Variants in HMBOX1 observed in about 807,000 individuals in gnomAD.
HMBOX1 encodes the protein homeobox containing 1, also known as homeobox-containing protein 1.
Under a neutral mutation model 54.5 loss-of-function variants are expected in HMBOX1, and 14 were observed. The ratio of observed to expected loss-of-function variants is 0.26; its 90% CI spans 0.17 to 0.40. The LOEUF (loss-of-function observed/expected upper bound fraction) is 0.40. Among genes scored for constraint, HMBOX1 ranks in the 10% least tolerant of loss-of-function variants. The pLI, the probability that HMBOX1 is intolerant of heterozygous loss-of-function variation, is 1.00. For synonymous variants in HMBOX1, 160 were observed against 181.0 expected, an observed-to-expected ratio of 0.88 and a Z score of 0.93; for missense variants, 332 against 514.4, an observed-to-expected ratio of 0.65 and a Z score of 3.43.
At chr8:28,936,815 A>AC (rs1563422994) in intron 1 of HMBOX1, among the ~76,000 whole-genome samples, 2 of 151,058 alleles carry the variant, frequency 1.3e-5, no homozygotes, top group African/African-American at 4.9e-5. Context: ...AAAAAAAAAA[A>AC]CAGCCCCCAA....
chr8:28,963,879 C>G lies in HMBOX1; in HGVS notation c.12C>G (p.Ser4=), dbSNP rs1191365185. 3.7e-6 allele frequency: 6 copies of G among 1,601,918 alleles called. No homozygotes were observed. The highest frequency in any genetic ancestry group is 5.1e-6 in the Non-Finnish European group (6 of 1,172,962). The change falls in exon 2 of 10, where the codon TCC becomes TCG. Residue 4 remains serine (S), a synonymous_variant. Coordinates refer to ENST00000287701, the MANE Select transcript of HMBOX1 (RefSeq NM_001135726.3). ...GCCTCATGTAAAGTATGCTTAGTTC[C>G]TTTCCAGTGGTGTAAGTATCAAGTC... MLS[S]FPVVLLETMS... is the part of the protein sequence containing the mutation.
chr8:28,916,450 T>C (rs1162136961), intron 1 of HMBOX1, among the ~76,000 whole-genome samples: 1 of 152,246 alleles, frequency 6.6e-6, no homozygotes, highest in Non-Finnish European at 1.5e-5. Flanking sequence ...GGGTTTTCCA[T>C]GTAAGTCTGT....
intron 4 of HMBOX1, among the ~76,000 whole-genome samples, chr8:28,994,745 C>T (rs1336856133): frequency 6.6e-6 from 1 of 151,992 alleles, no homozygotes; most frequent in African/African-American, 2.4e-5. Context: ...CAAATGAGCT[C>T]TTACAAGTTA....
At chr8:28,946,002 G>C (rs1822382937) in intron 1 of HMBOX1, among the ~76,000 whole-genome samples, 1 of 149,314 alleles carries the variant, frequency 6.7e-6, no homozygotes, top group Admixed American at 6.7e-5. Flanking sequence ...ACCCAGGCTG[G>C]AGTGCAATGG....
intron 1 of HMBOX1, among the ~76,000 whole-genome samples, chr8:28,894,290 T>G (rs1811624532): frequency 6.6e-6 from 1 of 152,146 alleles, no homozygotes; most frequent in Non-Finnish European, 1.5e-5. Context: ...ATAAAATACT[T>G]TTATGTTTAT....
chr8:28,894,104 T>C (rs1358217289), intron 1 of HMBOX1, among the ~76,000 whole-genome samples: 1 of 152,226 alleles, frequency 6.6e-6, no homozygotes, highest in African/African-American at 2.4e-5. Context: ...TTTAGTTCTT[T>C]GGCTTCTGGA....
At chr8:28,919,474 A>C (rs1429167776) in intron 1 of HMBOX1, among the ~76,000 whole-genome samples, 1 of 152,140 alleles carries the variant, frequency 6.6e-6, no homozygotes, top group African/African-American at 2.4e-5. Context: ...TTCTTTATTG[A>C]ATATTTGGTC....
At chr8:29,047,235 G>T in intron 7 of HMBOX1, 123 bp from the exon 8 acceptor site, 1 of 656,364 alleles carries the variant, frequency 1.5e-6, no homozygotes. Context: ...AAATCCCTCT[G>T]CATCTGTAGT....
intron 1 of HMBOX1, among the ~76,000 whole-genome samples, chr8:28,921,780 T>C (rs946304735): frequency 6.6e-6 from 1 of 152,342 alleles, no homozygotes; most frequent in African/African-American, 2.4e-5. Flanking sequence ...TTTTATGTTG[T>C]AGGGCTACTA....
At chr8:28,923,009 G>A (rs957315814) in intron 1 of HMBOX1, among the ~76,000 whole-genome samples, 1 of 152,076 alleles carries the variant, frequency 6.6e-6, no homozygotes, top group Non-Finnish European at 1.5e-5. Flanking sequence ...TTAAAATTAT[G>A]TAAATACACA....
At chr8:28,980,876 A>C (rs1165369486) in intron 4 of HMBOX1, among the ~76,000 whole-genome samples, 2 of 152,162 alleles carry the variant, frequency 1.3e-5, no homozygotes, top group Non-Finnish European at 2.9e-5. Flanking sequence ...CTTTTCAACT[A>C]CATTTTGTAG....
chr8:28,948,289 G>A (rs571608890), intron 1 of HMBOX1, among the ~76,000 whole-genome samples: 13 of 152,020 alleles, frequency 8.6e-5, no homozygotes, highest in Non-Finnish European at 1.8e-4. Context: ...CAGGAATTTT[G>A]TTTTGTTCAT....
intron 4 of HMBOX1, among the ~76,000 whole-genome samples, chr8:28,996,254 AT>A (rs1256156488): frequency 2.1e-5 from 3 of 142,488 alleles, no homozygotes; most frequent in African/African-American, 7.4e-5. Flanking sequence ...TGAGTTCTTT[AT>A]GTAAGTTCAT....
chr8:28,930,956 T>C (rs1320562709), intron 1 of HMBOX1, among the ~76,000 whole-genome samples: 1 of 152,210 alleles, frequency 6.6e-6, no homozygotes, highest in Admixed American at 6.5e-5. Context: ...ATTCTGAATA[T>C]AAATGATTGG....
chr8:29,039,966 C>T (rs1319714640), intron 6 of HMBOX1, among the ~76,000 whole-genome samples: 1 of 152,044 alleles, frequency 6.6e-6, no homozygotes, highest in Non-Finnish European at 1.5e-5. Context: ...TCACTAGTTG[C>T]CTTCTGTTTT....
chr8:29,048,840 G>C (rs2133389654), intron 8 of HMBOX1, 114 bp from the exon 9 acceptor site: 2 of 720,632 alleles, frequency 2.8e-6, no homozygotes, highest in Non-Finnish European at 4.7e-6. Flanking sequence ...GAGAAATACA[G>C]GTTCTTGTTT....
At chr8:28,899,977 G>A (rs1238883222) in intron 1 of HMBOX1, among the ~76,000 whole-genome samples, 6 of 151,986 alleles carry the variant, frequency 3.9e-5, no homozygotes, top group Non-Finnish European at 5.9e-5. Flanking sequence ...CTGGCTGGGC[G>A]CAGTGGCTCA....
chr8:29,025,256 CAGAG>C (rs1431772564), intron 6 of HMBOX1, among the ~76,000 whole-genome samples: 15 of 152,162 alleles, frequency 9.9e-5, no homozygotes, highest in Admixed American at 6.5e-5. Flanking sequence ...TAGTGATAGT[CAGAG>C]AGCCTCTGGG....
At chr8:28,985,786 G>A (rs1227234474) in intron 4 of HMBOX1, among the ~76,000 whole-genome samples, 1 of 152,036 alleles carries the variant, frequency 6.6e-6, no homozygotes, top group Non-Finnish European at 1.5e-5. Flanking sequence ...TAAAGTTTCA[G>A]TATATTAAGA....
Sources: gnomAD v4.1 joint callset for allele counts (sites outside exome capture counted in the v4.1 genomes callset) on GRCh38, gnomAD v4.1.1 for gene constraint, MANE v1.5 for transcripts, NCBI Gene and HGNC (gene_info 2026-07-23, HGNC 2026-07-21) for gene names.